The following DCLK1 variants were observed in gnomAD, a reference collection of about 807,000 sequenced individuals.
The protein encoded by DCLK1 is serine/threonine-protein kinase DCLK1.
Under a neutral mutation model 86.2 loss-of-function variants are expected in DCLK1, and 16 were observed. That is an observed-to-expected ratio of 0.19 (90% CI 0.13 to 0.28). DCLK1 has a LOEUF of 0.28. Ranked by LOEUF, DCLK1 falls within the 10% of genes least tolerant of loss-of-function variation. The pLI is 1.00. For missense variants in DCLK1, 590 were observed against 940.2 expected (o/e 0.63, Z 4.87); for synonymous variants, 369 against 370.5 (o/e 1.00, Z 0.05).
intron 11 of DCLK1, among the ~76,000 whole-genome samples, chr13:35,817,947 A>G (rs772237145): frequency 6.6e-6 from 1 of 152,174 alleles, no homozygotes; most frequent in Admixed American, 6.6e-5. Flanking sequence ...ATTTATGTTT[A>G]TCTCTTGTTT....
intron 2 of DCLK1, among the ~76,000 whole-genome samples, chr13:36,117,774 C>A (rs77938242): frequency 0.017 from 2,537 of 152,258 alleles, 27 homozygotes; most frequent in Middle Eastern, 0.034. Flanking sequence ...AAACCTAAGT[C>A]AGGAGACTAT....
At chr13:35,967,022 C>T (rs1210423228) in intron 3 of DCLK1, among the ~76,000 whole-genome samples, 4 of 150,336 alleles carry the variant, frequency 2.7e-5, no homozygotes, top group East Asian at 2.0e-4. Context: ...AAGTGAGGAG[C>T]GCCTCTTCCT....
chr13:35,981,837 C>A (rs1024040518), intron 3 of DCLK1, among the ~76,000 whole-genome samples: 1 of 152,064 alleles, frequency 6.6e-6, no homozygotes, highest in African/African-American at 2.4e-5. Context: ...CAAGGTAATT[C>A]CATTTTTAAT....
At chr13:36,040,639 A>G (rs1485152436) in intron 3 of DCLK1, among the ~76,000 whole-genome samples, 13 of 151,866 alleles carry the variant, frequency 8.6e-5, no homozygotes, top group Non-Finnish European at 1.5e-5. Context: ...TTTGGAATGA[A>G]GTCTCTATGT....
chr13:35,815,343 A>T (rs754667220), intron 11 of DCLK1, among the ~76,000 whole-genome samples: 2 of 152,224 alleles, frequency 1.3e-5, no homozygotes, highest in Non-Finnish European at 2.9e-5. Flanking sequence ...GATAACCTGA[A>T]CCCAGTCAAA....
chr13:36,097,502 T>C (rs1024487045), intron 3 of DCLK1, among the ~76,000 whole-genome samples: 7 of 152,226 alleles, frequency 4.6e-5, no homozygotes, highest in African/African-American at 1.7e-4. Flanking sequence ...TTAAAAATGT[T>C]CTTTTTCCAC....
chr13:36,105,397 T>C (rs1159340124), intron 3 of DCLK1, among the ~76,000 whole-genome samples: 7 of 152,324 alleles, frequency 4.6e-5, no homozygotes, highest in African/African-American at 1.4e-4. Flanking sequence ...AGTGCTAAAT[T>C]TGCCATGTGA....
At chr13:36,078,301 A>G (rs1018087496) in intron 3 of DCLK1, among the ~76,000 whole-genome samples, 1 of 152,210 alleles carries the variant, frequency 6.6e-6, no homozygotes, top group African/African-American at 2.4e-5. Flanking sequence ...ATACTATTCT[A>G]GAACAGCACC....
chr13:35,889,149 G>A (rs1197142507), intron 4 of DCLK1, among the ~76,000 whole-genome samples: 4 of 152,196 alleles, frequency 2.6e-5, no homozygotes, highest in Admixed American at 6.5e-5. Flanking sequence ...TTAGCTAAGA[G>A]AGAAGCTATT....
chr13:36,092,580 G>A (rs1448782636), intron 3 of DCLK1, among the ~76,000 whole-genome samples: 13 of 145,048 alleles, frequency 9.0e-5, no homozygotes, highest in Non-Finnish European at 1.8e-4. Context: ...TCCGCCTCCC[G>A]GGTTCACGCC....
At chr13:35,832,904 T>C (rs1869068387) in intron 8 of DCLK1, among the ~76,000 whole-genome samples, 2 of 152,186 alleles carry the variant, frequency 1.3e-5, no homozygotes, top group South Asian at 4.1e-4. Context: ...TGATCTAAGC[T>C]TTCAGCACAA....
chr13:35,947,099 C>T (rs1168425368), intron 4 of DCLK1, among the ~76,000 whole-genome samples: 2 of 152,074 alleles, frequency 1.3e-5, no homozygotes, highest in African/African-American at 4.8e-5. Flanking sequence ...TACATAACAT[C>T]AATTTAATTA....
chr13:35,837,222 C>A (rs1869450151), intron 7 of DCLK1, among the ~76,000 whole-genome samples: 1 of 152,222 alleles, frequency 6.6e-6, no homozygotes, highest in Admixed American at 6.5e-5. Flanking sequence ...GAGGGCCTTT[C>A]TTCTCGATTT....
intron 3 of DCLK1, among the ~76,000 whole-genome samples, chr13:36,110,309 C>G (rs951888416): frequency 6.6e-6 from 1 of 152,110 alleles, no homozygotes; most frequent in Non-Finnish European, 1.5e-5. Flanking sequence ...AGATTTACGA[C>G]ATTTAGGCTA....
intron 3 of DCLK1, among the ~76,000 whole-genome samples, chr13:36,048,704 C>T (rs1883017390): frequency 6.6e-6 from 1 of 152,228 alleles, no homozygotes; most frequent in Non-Finnish European, 1.5e-5. Flanking sequence ...ACTTTACTTT[C>T]AGCTTTACTA....
chr13:35,813,027 T>C (rs1038764140), intron 11 of DCLK1, among the ~76,000 whole-genome samples: 1 of 152,218 alleles, frequency 6.6e-6, no homozygotes. Context: ...GTTGTAGTCT[T>C]ACCACGTCAG....
intron 3 of DCLK1, among the ~76,000 whole-genome samples, chr13:35,982,188 C>G (rs967352136): frequency 1.6e-5 from 2 of 127,468 alleles, no homozygotes; most frequent in South Asian, 4.9e-4. Flanking sequence ...GGTGAGGTCA[C>G]AGCCCCCTGG....
At chr13:36,101,882 T>TA (rs1379707000) in intron 3 of DCLK1, among the ~76,000 whole-genome samples, 2 of 152,120 alleles carry the variant, frequency 1.3e-5, no homozygotes, top group African/African-American at 4.8e-5. Context: ...TGGCTGGTAT[T>TA]ACAGGCACCC....
chr13:35,859,018 G>A (rs1470435457), intron 5 of DCLK1, among the ~76,000 whole-genome samples: 1 of 152,186 alleles, frequency 6.6e-6, no homozygotes, highest in East Asian at 1.9e-4. Context: ...TTTGACACAT[G>A]TACTGAGTAC....
Sources: allele counts gnomAD v4.1 joint callset (sites outside exome capture counted in the v4.1 genomes callset), GRCh38; gene constraint gnomAD v4.1.1; transcripts MANE v1.5; gene names NCBI Gene and HGNC (gene_info 2026-07-23, HGNC 2026-07-21).